Variants in ANKH observed in about 807,000 individuals in gnomAD.
ANKH encodes the protein mineralization regulator ANKH.
Under a neutral mutation model 49.0 loss-of-function variants are expected in ANKH, and 15 were observed. That is an observed-to-expected ratio of 0.31 (90% CI 0.20 to 0.47). The LOEUF is 0.47. ANKH is among the 20% of genes least tolerant of loss of function. The pLI is 1.00. For missense variants in ANKH, 429 were observed against 652.0 expected (o/e 0.66, Z 3.72); for synonymous variants, 273 against 260.0 (o/e 1.05, Z -0.48).
At chr5:14,773,889 A>G (rs1739530268) in intron 1 of ANKH, among the ~76,000 whole-genome samples, 1 of 152,232 alleles carries the variant, frequency 6.6e-6, no homozygotes, top group Non-Finnish European at 1.5e-5. Context: ...TACTAATTAC[A>G]TGAACTAATT....
At position 14,711,104 on chromosome 5, in the gene ANKH, A is replaced by C. The variant is rs1239569377; in HGVS notation, c.*93T>G. 1.7e-6 allele frequency: 2 copies of C among 1,173,424 alleles called. No homozygotes were observed. The highest frequency in any genetic ancestry group is 2.6e-6 in the Non-Finnish European group (2 of 781,848). 72.7% of individuals were successfully genotyped at this position (1,173,424 alleles called of 1,614,324 possible). A position where few individuals can be genotyped will look rare whatever the true frequency, so the allele number is the denominator to read the frequency against. On this transcript the variant is annotated 3_prime_UTR_variant, in exon 12 of 12. Transcript: ENST00000284268. ...CTTTCATTACCAAAACAAAACAAAAAAAAGGGAACAAAATACGATGGGAGA... is the reference window on the plus strand; with the variant it reads ...CTTTCATTACCAAAACAAAACAAAACAAAGGGAACAAAATACGATGGGAGA...
chr5:14,842,189 G>A (rs1741833697), intron 1 of ANKH, among the ~76,000 whole-genome samples: 1 of 152,204 alleles, frequency 6.6e-6, no homozygotes, highest in African/African-American at 2.4e-5. Flanking sequence ...ATGGTAGACA[G>A]CTAATTAGGG....
At chr5:14,738,741 C>A (rs1222765909) in intron 8 of ANKH, among the ~76,000 whole-genome samples, 2 of 150,816 alleles carry the variant, frequency 1.3e-5, no homozygotes, top group African/African-American at 4.9e-5. Context: ...CCCTTCTATA[C>A]AAACAGTTAA....
chr5:14,785,928 C>A (rs1354862958), intron 1 of ANKH, among the ~76,000 whole-genome samples: 1 of 151,630 alleles, frequency 6.6e-6, no homozygotes, highest in African/African-American at 2.4e-5. Context: ...CGCCTGTAAT[C>A]CCAGCTACTT....
At chr5:14,868,699 G>A (rs1205393779) in intron 1 of ANKH, 1 of 150,032 alleles carries the variant, frequency 6.7e-6, no homozygotes, top group Non-Finnish European at 1.5e-5. Flanking sequence ...GTGAGCTATA[G>A]CACCTGGCCT....
chr5:14,715,556 C>G (rs1253984461), intron 9 of ANKH, among the ~76,000 whole-genome samples: 1 of 152,206 alleles, frequency 6.6e-6, no homozygotes, highest in Non-Finnish European at 1.5e-5. Flanking sequence ...TTAAAAGATA[C>G]AAAAGGGAAT....
At chr5:14,838,694 G>T (rs1012875333) in intron 1 of ANKH, among the ~76,000 whole-genome samples, 3 of 152,180 alleles carry the variant, frequency 2.0e-5, no homozygotes, top group Non-Finnish European at 2.9e-5. Flanking sequence ...ATTCCAGCTG[G>T]ATTATTTTGT....
intron 1 of ANKH, among the ~76,000 whole-genome samples, chr5:14,791,760 C>T (rs1740173860): frequency 6.6e-6 from 1 of 152,298 alleles, no homozygotes; most frequent in African/African-American, 2.4e-5. Flanking sequence ...CAAAAGTCTA[C>T]CCCAGCCTCT....
Position 14,806,333 on chromosome 5 carries a change from A to G in ANKH, c.97-37142T>C, listed in dbSNP as rs572819278. ...ACATTTGGGTGGGTAAAAAAAAAAAATACCCAATCCATAGAAGCCTACTGC... is the reference window on the plus strand; with the variant it reads ...ACATTTGGGTGGGTAAAAAAAAAAAGTACCCAATCCATAGAAGCCTACTGC... On this transcript the variant is annotated intron_variant, in intron 1 of 11. Coordinates refer to ENST00000284268, the MANE Select transcript of ANKH (RefSeq NM_054027.6). 1.2e-4 allele frequency among the ~76,000 whole-genome samples: 18 copies of G among 151,770 alleles called. No homozygotes were observed. The East Asian group carries it at 3.3e-3, about 28-fold the overall frequency.
At chr5:14,716,572 T>C (rs754403106) in intron 9 of ANKH, 134 bp downstream of exon 9, 1 of 1,155,860 alleles carries the variant, frequency 8.7e-7, no homozygotes, top group Non-Finnish European at 1.3e-6. Context: ...TACTGGCTAA[T>C]GTTTTTGCAT....
chr5:14,761,776 T>C (rs62353554), intron 2 of ANKH, among the ~76,000 whole-genome samples: 2 of 127,700 alleles, frequency 1.6e-5, no homozygotes, highest in Non-Finnish European at 3.4e-5. Context: ...TTTTTTTTTT[T>C]CCTTTGAGAC....
chr5:14,749,431 A>G (rs1359166066), intron 5 of ANKH, 125 bp from the exon 6 acceptor site: 15 of 1,107,020 alleles, frequency 1.4e-5, no homozygotes, highest in Admixed American at 1.9e-5. Flanking sequence ...TGAAAGTAAT[A>G]TAAGGAAAAG....
intron 1 of ANKH, among the ~76,000 whole-genome samples, chr5:14,814,461 C>T (rs377585433): frequency 2.6e-4 from 39 of 152,090 alleles, no homozygotes; most frequent in Admixed American, 6.5e-4. Flanking sequence ...TTTTAATTAG[C>T]GATGCATGGT....
chr5:14,768,031 A>G (rs975574973), intron 2 of ANKH: 1 of 152,140 alleles, frequency 6.6e-6, no homozygotes, highest in Non-Finnish European at 1.5e-5. Flanking sequence ...CTCTTCCACA[A>G]TGTTCTTAGC....
rs1287001590 is a variant in ANKH, at chr5:14,710,807, G to A, written c.*390C>T. The A allele has an allele frequency of 3.5e-6, 1 of 283,590 alleles. No individual in the cohort carries two copies. The highest frequency in any genetic ancestry group is 2.2e-5 in the African/African-American group (1 of 45,496). The allele number at this position is 283,590 out of a possible 1,614,324, so 17.6% of individuals were successfully genotyped here. A position where few individuals can be genotyped will look rare whatever the true frequency, so the allele number is the denominator to read the frequency against. ...TTCTTAAGAGCGATGAAGGGGGACAGGAGAGTCTGTGGCCTGCTGTGCAGG... is the reference window on the plus strand; with the variant it reads ...TTCTTAAGAGCGATGAAGGGGGACAAGAGAGTCTGTGGCCTGCTGTGCAGG... On this transcript the variant is annotated 3_prime_UTR_variant, in exon 12 of 12. Coordinates refer to ENST00000284268, the MANE Select transcript of ANKH (RefSeq NM_054027.6).
At chr5:14,762,700 C>G (rs1300619836) in intron 2 of ANKH, among the ~76,000 whole-genome samples, 1 of 151,372 alleles carries the variant, frequency 6.6e-6, no homozygotes, top group Non-Finnish European at 1.5e-5. Context: ...TCCCTCCCTC[C>G]CATGCCCCTG....
rs1737787215 is a variant in ANKH, at chr5:14,725,193, C to T, written c.1012-8358G>A. ...CTGGCACTCCAACCCAGCTGTGTCT[C>T]TGTCTGTTGTCTCTAGGTGAGTTCC... On this transcript the variant is annotated intron_variant, in intron 8 of 11. Transcript: ENST00000284268. The surrounding 1 kb of genome is among the most constrained non-coding windows in gnomAD (Gnocchi z 4.0). Among the ~76,000 whole-genome samples, 1 of 152,210 alleles carries T rather than the reference C, an allele frequency of 6.6e-6. No homozygotes were observed. The highest frequency in any genetic ancestry group is 1.5e-5 in the Non-Finnish European group (1 of 68,044).
At chr5:14,836,236 C>A (rs996028981) in intron 1 of ANKH, among the ~76,000 whole-genome samples, 2 of 152,174 alleles carry the variant, frequency 1.3e-5, no homozygotes, top group Admixed American at 1.3e-4. Flanking sequence ...CTCACCACTC[C>A]TATTCAACAT....
Position 14,758,585 on chromosome 5 carries a change from T to G in ANKH, c.327A>C (p.Leu109Phe), listed in dbSNP as rs113374603. Residue 109 changes from leucine to phenylalanine, a missense_variant, in exon 3 of 12, where the codon TTA becomes TTC. Physicochemically the swap from Leu to Phe is conservative, Grantham distance 22 (BLOSUM62 0). Around this residue, in one of 2 missense-constraint regions of ANKH, gnomAD observed 378 missense variants for 615.3 expected, o/e 0.61. Transcript: ENST00000284268. Reference sequence around the variant, plus strand: ...GCAGTTTATTGATAATGTAGTATCCTAAATCACTATAAGCTGCAAAGTGTC... The same window carrying G: ...GCAGTTTATTGATAATGTAGTATCCGAAATCACTATAAGCTGCAAAGTGTC... ...VFHTLIAYSDLGYYIINKLHH... is the reference protein window; with the variant it reads ...VFHTLIAYSDFGYYIINKLHH... 9.9e-6 allele frequency: 16 copies of G among 1,609,358 alleles called. No homozygotes were observed. In the East Asian group the frequency reaches 1.6e-4, roughly 16 times the overall value.
Sources: allele counts gnomAD v4.1 joint callset (sites outside exome capture counted in the v4.1 genomes callset), GRCh38; gene constraint gnomAD v4.1.1; regional missense constraint gnomAD v4.1.1; non-coding constraint Gnocchi (gnomAD v3.1); transcripts MANE v1.5; gene names NCBI Gene and HGNC (gene_info 2026-07-23, HGNC 2026-07-21).